The following CLVS1 variants were observed in gnomAD, a reference collection of about 807,000 sequenced individuals.
CLVS1 encodes clavesin 1.
Under a neutral mutation model 33.1 loss-of-function variants are expected in CLVS1, and 10 were observed. The observed-to-expected ratio is 0.30, with a 90% confidence interval of 0.19 to 0.51. The LOEUF is 0.51. Among genes scored for constraint, CLVS1 ranks in the 20% least tolerant of loss-of-function variants. CLVS1 has a pLI of 0.97. For synonymous variants in CLVS1, 163 were observed against 166.1 expected, an observed-to-expected ratio of 0.98 and a Z score of 0.14; for missense variants, 343 against 433.4, an observed-to-expected ratio of 0.79 and a Z score of 1.85.
At chr8:61,171,093 T>C (rs1320139037) in intron 2 of CLVS1, among the ~76,000 whole-genome samples, 1 of 152,184 alleles carries the variant, frequency 6.6e-6, no homozygotes, top group African/African-American at 2.4e-5. Context: ...AGGAATGAGT[T>C]TCGCAGCTTT....
At chr8:61,215,681 A>AGT (rs1808067226) in intron 2 of CLVS1, among the ~76,000 whole-genome samples, 3 of 98,808 alleles carry the variant, frequency 3.0e-5, no homozygotes, top group Non-Finnish European at 2.3e-5. Context: ...TGAAATTGAA[A>AGT]ATGTGTGTGT....
chr8:61,418,513 A>C (rs1051707215), intron 3 of CLVS1, among the ~76,000 whole-genome samples: 4 of 152,192 alleles, frequency 2.6e-5, no homozygotes, highest in Non-Finnish European at 4.4e-5. Flanking sequence ...TTCTATTACT[A>C]ATGTATATTC....
intron 2 of CLVS1, among the ~76,000 whole-genome samples, chr8:61,198,587 C>CCA (rs1215387225): frequency 6.6e-6 from 1 of 152,148 alleles, no homozygotes; most frequent in Non-Finnish European, 1.5e-5. Context: ...ACCATGTTGG[C>CCA]CAGGCTGGTC....
intron 2 of CLVS1, among the ~76,000 whole-genome samples, chr8:61,357,285 T>G (rs72657059): frequency 0.019 from 2,964 of 152,152 alleles, 38 homozygotes; most frequent in African/African-American, 0.037. Flanking sequence ...ATCATTTTTT[T>G]AAAGTCAACG....
At chr8:60,971,788 A>G in the CLVS1 span, among the ~76,000 whole-genome samples, 88 of 152,288 alleles carry the variant, frequency 5.8e-4, no homozygotes, top group African/African-American at 2.1e-3. Context: ...CATTCTGAGA[A>G]CTGAATCGAG....
chr8:61,364,138 T>A (rs1257639919), intron 2 of CLVS1, among the ~76,000 whole-genome samples: 1 of 152,132 alleles, frequency 6.6e-6, no homozygotes, highest in African/African-American at 2.4e-5. Flanking sequence ...TTTAACCTGG[T>A]TTTGAAGGAT....
At chr8:60,974,665 G>A in the CLVS1 span, among the ~76,000 whole-genome samples, 1 of 151,714 alleles carries the variant, frequency 6.6e-6, no homozygotes, top group Non-Finnish European at 1.5e-5. Context: ...TAGTCAACTG[G>A]TTTATTAAGA....
At chr8:61,447,382 T>A (rs1188617484) in intron 3 of CLVS1, among the ~76,000 whole-genome samples, 1 of 152,026 alleles carries the variant, frequency 6.6e-6, no homozygotes, top group Non-Finnish European at 1.5e-5. Context: ...TTAAATTAAT[T>A]ATTGTTATGT....
In CLVS1 at chr8:61,355,120, T is replaced by C. The variant is rs546935019; in HGVS notation, c.456-21485T>C. 3.9e-5 allele frequency among the ~76,000 whole-genome samples: 6 copies of C among 152,288 alleles called. No individual in the cohort carries two copies. The East Asian group carries it at 1.2e-3, about 29-fold the overall frequency. ...CACCACTTTCTGCTGAGCTATGATA[T>C]AGCACTTGACTTTATCAGCTAGAGC... On this transcript the variant is annotated intron_variant, in intron 2 of 5. Coordinates refer to ENST00000325897, the MANE Select transcript of CLVS1 (RefSeq NM_173519.3).
At chr8:61,312,773 C>T (rs1033792069) in intron 2 of CLVS1, among the ~76,000 whole-genome samples, 3 of 152,228 alleles carry the variant, frequency 2.0e-5, no homozygotes, top group East Asian at 1.9e-4. Flanking sequence ...TCGACAAAAT[C>T]GCAAAGCTCG....
At chr8:61,146,242 A>C (rs1264706161) in intron 2 of CLVS1, among the ~76,000 whole-genome samples, 1 of 152,200 alleles carries the variant, frequency 6.6e-6, no homozygotes, top group East Asian at 1.9e-4. Flanking sequence ...CTTTTTTAAA[A>C]GAGGGAAGTA....
At chr8:61,024,497 G>A in the CLVS1 span, among the ~76,000 whole-genome samples, 39 of 152,196 alleles carry the variant, frequency 2.6e-4, no homozygotes, top group East Asian at 6.9e-3. Context: ...ATCATAATCC[G>A]AGCATCCCAA....
intron 1 of CLVS1, among the ~76,000 whole-genome samples, chr8:61,299,076 A>G (rs1385594211): frequency 1.3e-5 from 2 of 152,150 alleles, no homozygotes; most frequent in Non-Finnish European, 1.5e-5. Flanking sequence ...GTTTTCAGCC[A>G]TAGGCCTGTC....
chr8:61,215,714 G>A (rs200570897), intron 2 of CLVS1, among the ~76,000 whole-genome samples: 40 of 112,062 alleles, frequency 3.6e-4, no homozygotes, highest in Admixed American at 3.2e-3. Context: ...GTGTGTGTGT[G>A]TGTGTGTGTG....
At chr8:61,162,244 C>A (rs191409644) in intron 2 of CLVS1, among the ~76,000 whole-genome samples, 67 of 152,330 alleles carry the variant, frequency 4.4e-4, no homozygotes, top group Admixed American at 3.4e-3. Flanking sequence ...AACCAAGTGG[C>A]CTTTCTTTGA....
chr8:61,033,041 GAA>G, the CLVS1 span, among the ~76,000 whole-genome samples: 1,156 of 99,572 alleles, frequency 0.012, 35 homozygotes, highest in Non-Finnish European at 0.016. Context: ...AAGAAAGAAA[GAA>G]AGAAAAAGAA....
chr8:61,288,328 C>A, intron 1 of CLVS1, 190 bp downstream of exon 1: 1 of 452,594 alleles, frequency 2.2e-6, no homozygotes, highest in South Asian at 1.6e-5. Context: ...ATCCTCCTCC[C>A]GGCGCCCGCT....
chr8:61,021,444 G>A, the CLVS1 span, among the ~76,000 whole-genome samples: 2 of 152,102 alleles, frequency 1.3e-5, no homozygotes, highest in Non-Finnish European at 2.9e-5. Flanking sequence ...TCCACCTCCC[G>A]GGTTCAAGCG....
chr8:61,442,185 G>A (rs1437749772), intron 3 of CLVS1, among the ~76,000 whole-genome samples: 1 of 152,086 alleles, frequency 6.6e-6, no homozygotes, highest in Admixed American at 6.5e-5. Context: ...CATATAAATG[G>A]AATCATAGAG....
Sources: allele counts gnomAD v4.1 joint callset (sites outside exome capture counted in the v4.1 genomes callset), GRCh38; gene constraint gnomAD v4.1.1; transcripts MANE v1.5; gene names NCBI Gene and HGNC (gene_info 2026-07-23, HGNC 2026-07-21).